Variants in SIAE observed in about 807,000 individuals in gnomAD.
SIAE encodes the protein sialic acid acetylesterase.
SIAE carries 39 observed loss-of-function variants against 52.6 expected under a neutral mutation model. The ratio of observed to expected loss-of-function variants is 0.74; its 90% confidence interval spans 0.57 to 0.97. The LOEUF (loss-of-function observed/expected upper bound fraction) is 0.97. Ranked by LOEUF, SIAE falls within the 50% of genes least tolerant of loss-of-function variation. The pLI, the probability that SIAE is intolerant of heterozygous loss-of-function variation, is 0.00. For synonymous variants in SIAE, 233 were observed against 241.4 expected (o/e 0.97, Z 0.32); for missense variants, 592 against 662.1 (o/e 0.89, Z 1.16).
At chr11:124,649,886 G>T in intron 4 of SIAE, 90 bp from the exon 5 acceptor site, 1 of 1,215,056 alleles carries the variant, frequency 8.2e-7, no homozygotes. Context: ...TGAGAAGGGT[G>T]GGCAGAGGTC....
Position 124,635,553 on chromosome 11 carries a change from A to G in SIAE, c.*1398T>C, listed in dbSNP as rs1942711547. 1 of 152,170 alleles carries G rather than the reference A, an allele frequency of 6.6e-6. No individual in the cohort carries two copies. Among genetic ancestry groups the G allele is most frequent in the Admixed American group, 6.5e-5 (1 of 15,276 alleles). 9.4% of individuals were successfully genotyped at this position (152,170 alleles called of 1,614,324 possible). On this transcript the variant is annotated 3_prime_UTR_variant, in exon 10 of 10. Coordinates refer to ENST00000263593, the MANE Select transcript of SIAE (RefSeq NM_170601.5). ...GGGGGAAACATAGTGAATTCCACAT[A>G]ATGTTTTAAATTATTCAGCCACTAA...
Position 124,634,101 on chromosome 11 carries a change from T to C in SIAE, c.*2850A>G, listed in dbSNP as rs1455517975. 2 of 152,198 alleles carry C rather than the reference T, an allele frequency of 1.3e-5. No individual in the cohort carries two copies. Among genetic ancestry groups the C allele is most frequent in the Non-Finnish European group, 1.5e-5 (1 of 68,052 alleles). 9.4% of individuals were successfully genotyped at this position (152,198 alleles called of 1,614,324 possible). A position where few individuals can be genotyped will look rare whatever the true frequency, so the allele number is the denominator to read the frequency against. On this transcript the variant is annotated 3_prime_UTR_variant, in exon 10 of 10. Transcript: ENST00000263593. ...GGCTCACGCCTGTAATCCCAGCACT[T>C]TGGGAGGCTGAGGCGGGTGGATCAA... is the stretch of plus-strand genomic sequence containing the variant.
At chr11:124,647,555 C>T (rs1189613958) in intron 6 of SIAE, 57 bp from the exon 7 acceptor site, 5 of 1,596,516 alleles carry the variant, frequency 3.1e-6, no homozygotes, top group Admixed American at 3.3e-5. Context: ...AATGACCACA[C>T]ATTACTCTCC....
chr11:124,673,970 C>T, upstream of SIAE: 1 of 552,054 alleles, frequency 1.8e-6, no homozygotes, highest in Non-Finnish European at 3.2e-6. Flanking sequence ...CGCTTCCCCA[C>T]TTCCTCTCCG....
Position 124,636,916 on chromosome 11 carries a change from A to C in SIAE, c.*35T>G, listed in dbSNP as rs772626659. ...CTAAATGCTAAAATCTGAAGGACCC[A>C]TCCTTATATCTAAGTTCTGATCATA... On this transcript the variant is annotated 3_prime_UTR_variant, in exon 10 of 10. Transcript: ENST00000263593. 1 of 1,613,958 alleles carries C rather than the reference A, an allele frequency of 6.2e-7. No individual in the cohort carries two copies. Among genetic ancestry groups the C allele is most frequent in the East Asian group, 2.2e-5 (1 of 44,886 alleles).
At position 124,647,374 on chromosome 11, in the gene SIAE, T is replaced by C. The variant is rs1942951085; in HGVS notation, c.957A>G (p.Gly319=). 6.2e-7 allele frequency: 1 copy of C among 1,614,134 alleles called. No individual in the cohort carries two copies. Among genetic ancestry groups the C allele is most frequent in the Non-Finnish European group, 8.5e-7 (1 of 1,180,022 alleles). ...TTTACCCACATCGTACCTGGACAAG[T>C]CCAAATGGGAAGAAACGCTCCGTCT... The part of the protein sequence containing the change: ...QGQTERFFPF[G]LVQLSSDLSK... The change falls in exon 7 of 10, where the codon GGA becomes GGG. Residue 319 remains glycine, a synonymous_variant. Transcript: ENST00000263593.
At chr11:124,644,098 G>A (rs1398609566) in intron 7 of SIAE, among the ~76,000 whole-genome samples, 2 of 152,172 alleles carry the variant, frequency 1.3e-5, no homozygotes, top group African/African-American at 4.8e-5. Flanking sequence ...CCTTGGATAT[G>A]ATATGGAACC....
chr11:124,649,720 C>G lies in SIAE; in HGVS notation c.621G>C (p.Leu207=). The G allele has an allele frequency of 6.2e-7, 1 of 1,614,158 alleles. No individual in the cohort carries two copies. Among genetic ancestry groups the G allele is most frequent in the Non-Finnish European group, 8.5e-7 (1 of 1,180,030 alleles). ...AGGCGATCAGCCCGATGGGATACTG[C>G]AGAGTGTCATAAAGGTGACGTCCAA... The part of the protein sequence containing the change: ...WLFGRHLYDT[L]QYPIGLIASS... The change falls in exon 5 of 10, where the codon CTG becomes CTC. Residue 207 remains leucine (L), a synonymous_variant. Transcript: ENST00000263593.
At chr11:124,650,304 A>G (rs7943958) in intron 4 of SIAE, among the ~76,000 whole-genome samples, 16,284 of 152,022 alleles carry the variant, frequency 0.11, 2,828 homozygotes, top group African/African-American at 0.36. Flanking sequence ...TCCCTCAAAT[A>G]GGTGAGAGGT....
intron 2 of SIAE, among the ~76,000 whole-genome samples, chr11:124,667,023 C>T (rs1943281946): frequency 6.6e-6 from 1 of 152,204 alleles, no homozygotes; most frequent in African/African-American, 2.4e-5. Flanking sequence ...ATTTTTTAAA[C>T]TGAAATGCTA....
chr11:124,643,719 T>TG (rs1489365672), intron 7 of SIAE, among the ~76,000 whole-genome samples: 1 of 152,192 alleles, frequency 6.6e-6, no homozygotes, highest in East Asian at 1.9e-4. Context: ...ACCCTGTCCT[T>TG]TGATTTAGAT....
In SIAE at chr11:124,638,743, G is replaced by A. The variant is rs912376900; in HGVS notation, c.1125-6C>T. 1 of 1,613,284 alleles carries A rather than the reference G, an allele frequency of 6.2e-7. No individual in the cohort carries two copies. The highest frequency in any genetic ancestry group is 8.5e-7 in the Non-Finnish European group (1 of 1,179,628). On this transcript the variant is annotated splice_polypyrimidine_tract_variant and splice_region_variant and intron_variant, in intron 8 of 9. Coordinates refer to ENST00000263593, the MANE Select transcript of SIAE (RefSeq NM_170601.5). ...GTTTATCTCGAGGGTGGATGCTACAGGATAAGGAACAAGTAGAGAACTTTG... is the reference window on the plus strand; with the variant it reads ...GTTTATCTCGAGGGTGGATGCTACAAGATAAGGAACAAGTAGAGAACTTTG...
chr11:124,660,693 C>T lies in SIAE; in HGVS notation c.340G>A (p.Asp114Asn), dbSNP rs1354382656. The T allele has an allele frequency of 1.2e-6, 2 of 1,614,078 alleles. No homozygotes were observed. Among genetic ancestry groups the T allele is most frequent in the Non-Finnish European group, 1.7e-6 (2 of 1,180,050 alleles). The change falls in exon 3 of 10, where the codon GAC (aspartate) becomes AAC (asparagine). Residue 114 changes from aspartate to asparagine, a missense_variant. Physicochemically the swap from Asp to Asn is conservative, Grantham distance 23 (BLOSUM62 1). Transcript: ENST00000263593. ...EKINFTLRVH[D>N]VLFGDVWLCS... ...AGCCAGACATCTCCAAACAGGACGT[C>T]ATGAACTCTCAGGGTGAAGTTTATT...
intron 3 of SIAE, chr11:124,658,958 T>A (rs1473304800): frequency 6.6e-6 from 1 of 152,204 alleles, no homozygotes; most frequent in East Asian, 1.9e-4. Context: ...ACTGTCAGCA[T>A]CTAAAATGTT....
At position 124,644,351 on chromosome 11, in the gene SIAE, G is replaced by GAAAAAAAAAAAAAAAAAAAA. The variant is rs766691334; in HGVS notation, c.966+3013_966+3014insTTTTTTTTTTTTTTTTTTTT. 4.0e-5 allele frequency among the ~76,000 whole-genome samples: 4 copies of GAAAAAAAAAAAAAAAAAAAA among 98,976 alleles called. 1 individual carries two copies. The highest frequency in any genetic ancestry group is 1.2e-4 in the African/African-American group (3 of 25,156). 64.9% of individuals were successfully genotyped at this position (98,976 alleles called of 152,430 possible). A position where few individuals can be genotyped will look rare whatever the true frequency, so the allele number is the denominator to read the frequency against. ...AACGCCACAGGAAAGAGTCTGTGGT[G>GAAAAAAAAAAAAAAAAAAAA]AGAAAAAAAAAAAAAAAAAAAAACT... On this transcript the variant is annotated intron_variant, in intron 7 of 9. Coordinates refer to ENST00000263593, the MANE Select transcript of SIAE (RefSeq NM_170601.5).
In SIAE at chr11:124,639,748, T is replaced by C; in HGVS notation, c.1086A>G (p.Val362=). ...NPKMPNTFMA[V]AMDLCDRDSP... ...AGTCTCTATCACAGAGATCCATAGCTACAGCCATGAAAGTATTGGGCATCT... is the reference window on the plus strand; with the variant it reads ...AGTCTCTATCACAGAGATCCATAGCCACAGCCATGAAAGTATTGGGCATCT... The change falls in exon 8 of 10, where the codon GTA becomes GTG. Residue 362 remains valine (V), a synonymous_variant. Coordinates refer to ENST00000263593, the MANE Select transcript of SIAE (RefSeq NM_170601.5). 1 of 1,614,192 alleles carries C rather than the reference T, an allele frequency of 6.2e-7. No individual in the cohort carries two copies.
At chr11:124,675,179 G>A, upstream of SIAE, 1 of 1,487,390 alleles carries the variant, frequency 6.7e-7, no homozygotes, top group Non-Finnish European at 9.1e-7. Flanking sequence ...TGGCATAGTT[G>A]TGATTATATA....
In SIAE at chr11:124,673,118, T is replaced by C. The variant is rs377296909; in HGVS notation, c.67+524A>G. Among the ~76,000 whole-genome samples the C allele has an allele frequency of 2.6e-5, 4 of 152,238 alleles. No homozygotes were observed. In the East Asian group the frequency reaches 5.8e-4, roughly 22 times the overall value. On this transcript the variant is annotated intron_variant, in intron 1 of 9. Transcript: ENST00000263593. Reference sequence around the variant, plus strand: ...CCAGAAATCAAAACTGAGCCTTAAATAGTCAGAGCTAGTGAGGGGGTTGTA... The same window carrying C: ...CCAGAAATCAAAACTGAGCCTTAAACAGTCAGAGCTAGTGAGGGGGTTGTA...
At chr11:124,647,540 G>A (rs754575559) in intron 6 of SIAE, 42 bp from the exon 7 acceptor site, 4 of 1,611,258 alleles carry the variant, frequency 2.5e-6, no homozygotes, top group African/African-American at 1.3e-5. Context: ...GGAGTAGACT[G>A]CAAAAATGAC....
Sources: allele counts gnomAD v4.1 joint callset (sites outside exome capture counted in the v4.1 genomes callset), GRCh38; gene constraint gnomAD v4.1.1; transcripts MANE v1.5; gene names NCBI Gene and HGNC (gene_info 2026-07-23, HGNC 2026-07-21).